Variants in THSD7B observed in about 807,000 individuals in gnomAD.
THSD7B encodes the protein thrombospondin type 1 domain containing 7B, also known as thrombospondin type-1 domain-containing protein 7B.
In THSD7B, 138 loss-of-function variants were observed where a neutral mutation model predicts 213.6. The ratio of observed to expected loss-of-function variants is 0.65; its 90% confidence interval spans 0.56 to 0.74. THSD7B has a LOEUF of 0.74. THSD7B is among the 30% of genes least tolerant of loss of function. The probability of loss-of-function intolerance (pLI) is 0.00; values close to 1 mark genes in which losing one functional copy is unlikely to be tolerated. For missense variants in THSD7B, 1,931 were observed against 1,991.5 expected (o/e 0.97, Z 0.58); for synonymous variants, 742 against 687.0 (o/e 1.08, Z -1.25).
intron 12 of THSD7B, among the ~76,000 whole-genome samples, chr2:137,334,429 C>CACCCTGA (rs1344960477): frequency 6.6e-6 from 1 of 152,154 alleles, no homozygotes; most frequent in African/African-American, 2.4e-5. Flanking sequence ...TTTTTCTCCA[C>CACCCTGA]ACCCTGAACC....
In THSD7B at chr2:137,317,431, A is replaced by G. The variant is rs933862802; in HGVS notation, c.2500+41405A>G. On this transcript the variant is annotated intron_variant, in intron 12 of 27. Transcript: ENST00000409968. ...CCTTTTGAAATATGGTAACTGGACT[A>G]TCTATTTTTAGAGGATCAAGTGATG... 4.6e-5 allele frequency among the ~76,000 whole-genome samples: 7 copies of G among 152,232 alleles called. No individual in the cohort carries two copies. In the East Asian group the frequency reaches 1.3e-3, roughly 29 times the overall value.
At chr2:136,975,369 G>C (rs912640280) in intron 2 of THSD7B, among the ~76,000 whole-genome samples, 1 of 152,126 alleles carries the variant, frequency 6.6e-6, no homozygotes, top group Non-Finnish European at 1.5e-5. Flanking sequence ...TGTATAAGGT[G>C]TAAGGAAGGG....
chr2:137,555,772 C>T (rs532544513), intron 15 of THSD7B, among the ~76,000 whole-genome samples: 31 of 152,172 alleles, frequency 2.0e-4, no homozygotes, highest in Non-Finnish European at 4.1e-4. Flanking sequence ...TTGAACCCAT[C>T]GCAAAGAAGT....
At chr2:136,878,465 T>C (rs1360630282) in intron 1 of THSD7B, among the ~76,000 whole-genome samples, 1 of 152,224 alleles carries the variant, frequency 6.6e-6, no homozygotes, top group Non-Finnish European at 1.5e-5. Context: ...ATGGTATTTC[T>C]AGTTCTAGAT....
In THSD7B at chr2:137,599,373, T is replaced by A. The variant is rs202013493; in HGVS notation, c.3424-16802T>A. 2.0e-5 allele frequency among the ~76,000 whole-genome samples: 3 copies of A among 151,880 alleles called. No individual in the cohort carries two copies. In the East Asian group the frequency reaches 5.8e-4, roughly 29 times the overall value. On this transcript the variant is annotated intron_variant, in intron 17 of 27. Coordinates refer to ENST00000409968, the MANE Select transcript of THSD7B (RefSeq NM_001316349.2). ...AAGAAGACATTTATGCAGCCAAAAA[T>A]CACATGAAAAAATGCTCATCATCAC...
At chr2:137,425,905 T>C (rs1229129014) in intron 14 of THSD7B, among the ~76,000 whole-genome samples, 2 of 152,208 alleles carry the variant, frequency 1.3e-5, no homozygotes, top group East Asian at 3.9e-4. Context: ...TGACCCTGTT[T>C]GCAGATGGCT....
chr2:137,311,765 A>G (rs1464736255), intron 12 of THSD7B, among the ~76,000 whole-genome samples: 5 of 150,944 alleles, frequency 3.3e-5, no homozygotes, highest in Non-Finnish European at 7.4e-5. Context: ...TGAGATAATC[A>G]TGTGGTTTTT....
intron 2 of THSD7B, among the ~76,000 whole-genome samples, chr2:136,971,280 G>A (rs546563982): frequency 6.6e-6 from 1 of 151,044 alleles, no homozygotes; most frequent in South Asian, 2.1e-4. Context: ...TGTGTAGATG[G>A]TATGTCATGG....
At chr2:136,819,828 C>G (rs145786837) in intron 1 of THSD7B, among the ~76,000 whole-genome samples, 5 of 151,032 alleles carry the variant, frequency 3.3e-5, no homozygotes, top group Admixed American at 1.3e-4. Flanking sequence ...TCCCAAGAAG[C>G]CTACTACTCT....
chr2:137,078,828 T>C (rs1381711234), intron 3 of THSD7B, among the ~76,000 whole-genome samples: 1 of 152,196 alleles, frequency 6.6e-6, no homozygotes, highest in Non-Finnish European at 1.5e-5. Context: ...AAAAATTCTA[T>C]AGTTTTCTTG....
intron 2 of THSD7B, among the ~76,000 whole-genome samples, chr2:137,017,217 AAAAGAAAACAGC>A (rs761194996): frequency 2.0e-5 from 3 of 152,106 alleles, no homozygotes; most frequent in Non-Finnish European, 4.4e-5. Context: ...TTCTTAACAA[AAAAGAAAACAGC>A]AAACATGGAA....
At chr2:137,312,568 T>C (rs1160560279) in intron 12 of THSD7B, among the ~76,000 whole-genome samples, 1 of 151,794 alleles carries the variant, frequency 6.6e-6, no homozygotes, top group Non-Finnish European at 1.5e-5. Context: ...GTGTTTGCCC[T>C]TGCTTTTCTA....
At chr2:137,236,164 A>T (rs1681757581) in intron 9 of THSD7B, among the ~76,000 whole-genome samples, 1 of 152,134 alleles carries the variant, frequency 6.6e-6, no homozygotes, top group African/African-American at 2.4e-5. Context: ...AATCTTTGGG[A>T]TGGGGATAGA....
chr2:137,305,519 G>T (rs1263911682), intron 12 of THSD7B, among the ~76,000 whole-genome samples: 1 of 152,022 alleles, frequency 6.6e-6, no homozygotes, highest in East Asian at 1.9e-4. Context: ...GAATAAGCTG[G>T]GGCTTCTTTC....
At chr2:137,151,526 TA>T (rs35604618) in intron 5 of THSD7B, among the ~76,000 whole-genome samples, 102,912 of 146,956 alleles carry the variant, frequency 0.7, 35,821 homozygotes, top group Non-Finnish European at 0.74. Context: ...CTTAAAAGTA[TA>T]AAAAAAAAAA....
intron 12 of THSD7B, among the ~76,000 whole-genome samples, chr2:137,291,032 C>A (rs544142303): frequency 1.8e-4 from 27 of 152,240 alleles, no homozygotes; most frequent in African/African-American, 6.5e-4. Context: ...AGTTTCTGTC[C>A]TTTTCTATTC....
chr2:136,947,190 T>C (rs1256079703), intron 2 of THSD7B, among the ~76,000 whole-genome samples: 1 of 152,172 alleles, frequency 6.6e-6, no homozygotes, highest in African/African-American at 2.4e-5. Context: ...CCAGGGAAGG[T>C]ATTTGAAGCT....
At chr2:137,027,664 T>A (rs576632035) in intron 2 of THSD7B, among the ~76,000 whole-genome samples, 45 of 152,278 alleles carry the variant, frequency 3.0e-4, no homozygotes, top group African/African-American at 1.0e-3. Flanking sequence ...GCCGTTTCTG[T>A]CTATCCTGAT....
At chr2:137,363,391 C>G (rs1441812564) in intron 12 of THSD7B, among the ~76,000 whole-genome samples, 1 of 152,056 alleles carries the variant, frequency 6.6e-6, no homozygotes, top group African/African-American at 2.4e-5. Flanking sequence ...AAGATCAGAG[C>G]AGAACAGAAG....
Sources: gnomAD v4.1 joint callset for allele counts (sites outside exome capture counted in the v4.1 genomes callset) on GRCh38, gnomAD v4.1.1 for gene constraint, MANE v1.5 for transcripts, NCBI Gene and HGNC (gene_info 2026-07-23, HGNC 2026-07-21) for gene names.